The following TNRC6C variants were observed in gnomAD, a reference collection of about 807,000 sequenced individuals.
TNRC6C encodes the protein trinucleotide repeat containing adaptor 6C.
TNRC6C carries 20 observed loss-of-function variants against 153.7 expected under a neutral mutation model. That is an observed-to-expected ratio of 0.13 (90% confidence interval 0.09 to 0.19). TNRC6C has a LOEUF of 0.19. TNRC6C is among the 10% of genes least tolerant of loss of function. The probability of loss-of-function intolerance (pLI) is 1.00; values close to 1 mark genes in which losing one functional copy is unlikely to be tolerated. For missense variants in TNRC6C, 1,987 were observed against 2,172.0 expected, an observed-to-expected ratio of 0.91 and a Z score of 1.69; for synonymous variants, 811 against 841.4, an observed-to-expected ratio of 0.96 and a Z score of 0.63.
At chr17:78,097,161 C>T (rs749166424) in intron 16 of TNRC6C, among the ~76,000 whole-genome samples, 3 of 152,200 alleles carry the variant, frequency 2.0e-5, no homozygotes, top group African/African-American at 4.8e-5. Flanking sequence ...CTGCTGTGCA[C>T]TGTGATCATG....
chr17:78,074,069 C>T (rs1458135655), intron 7 of TNRC6C, among the ~76,000 whole-genome samples: 3 of 152,208 alleles, frequency 2.0e-5, no homozygotes, highest in Non-Finnish European at 4.4e-5. Context: ...CTCGTGCCTA[C>T]ATGAAGCTTA....
intron 2 of TNRC6C, among the ~76,000 whole-genome samples, chr17:78,041,469 T>G (rs1365380071): frequency 6.6e-6 from 1 of 152,230 alleles, no homozygotes; most frequent in Admixed American, 6.5e-5. Flanking sequence ...GGAAGCAATC[T>G]CATTTTACTG....
intron 8 of TNRC6C, 98 bp from the exon 11 acceptor site, chr17:78,077,087 T>G (rs2073098026): frequency 7.4e-7 from 1 of 1,348,590 alleles, no homozygotes; most frequent in South Asian, 1.5e-5. Context: ...TGTTAATTAT[T>G]TATCCATCCA....
At chr17:78,097,966 A>C in intron 16 of TNRC6C, 105 bp downstream of exon 19, 1 of 990,270 alleles carries the variant, frequency 1.0e-6, no homozygotes, top group Non-Finnish European at 1.5e-6. Flanking sequence ...TCACTCCCTG[A>C]GCTGGGAGGC....
At chr17:78,091,419 T>C in intron 13 of TNRC6C, 21 bp from the exon 16 acceptor site, 1 of 1,565,648 alleles carries the variant, frequency 6.4e-7, no homozygotes. Flanking sequence ...AGGCGAATCC[T>C]AACCGCATCT....
At chr17:78,057,002 C>T (rs889312618) in intron 3 of TNRC6C, among the ~76,000 whole-genome samples, 14 of 152,122 alleles carry the variant, frequency 9.2e-5, no homozygotes, top group African/African-American at 3.4e-4. Context: ...CTTTTGCAGC[C>T]TGTGCATGCG....
intron 1 of TNRC6C, among the ~76,000 whole-genome samples, chr17:77,995,983 G>A (rs1453658858): frequency 2.0e-5 from 3 of 152,130 alleles, no homozygotes; most frequent in Non-Finnish European, 4.4e-5. Context: ...TGAGGTGGGA[G>A]GGTTGCTTGA....
At chr17:78,105,860 T>C (rs1252270537) in exon 20 of TNRC6C, 1 of 152,218 alleles carries the variant, frequency 6.6e-6, no homozygotes, top group Admixed American at 6.5e-5. Flanking sequence ...AGAGAATTCC[T>C]AGGACAGGGC....
intron 14 of TNRC6C, 98 bp from the exon 17 acceptor site, chr17:78,092,835 C>A: frequency 9.9e-7 from 1 of 1,014,172 alleles, no homozygotes; most frequent in Non-Finnish European, 1.4e-6. Flanking sequence ...AGGCATTGGA[C>A]CTAGAACAGA....
chr17:77,973,498 G>A (rs1331065248), intron 1 of TNRC6C, among the ~76,000 whole-genome samples: 2 of 152,176 alleles, frequency 1.3e-5, no homozygotes, highest in East Asian at 3.8e-4. Context: ...TATGTAGTCA[G>A]GTAAGGGAAA....
chr17:78,079,501 C>G lies in TNRC6C; in HGVS notation c.3317C>G (p.Pro1106Arg). ...GTGCAGCCTCTTAACTCTTCCCAGC[C>G]CAGTCTCCGTGCTCAAGTGCCTCAG... The change falls in exon 10 of 20, where the codon CCC (proline) becomes CGC (arginine). Residue 1106 changes from proline (P) to arginine (R), a missense_variant. By Grantham distance (103) the Pro-to-Arg change is moderately radical (BLOSUM62 -2). Around this residue, in one of 4 missense-constraint regions of TNRC6C, gnomAD observed 765 missense variants for 908.6 expected, o/e 0.84. Transcript: ENST00000301624. This position sits in a 1 kb window ranked among gnomAD's most constrained non-coding sequence, Gnocchi z 4.3. 1 of 1,613,820 alleles carries G rather than the reference C, an allele frequency of 6.2e-7. No individual in the cohort carries two copies. The highest frequency in any genetic ancestry group is 8.5e-7 in the Non-Finnish European group (1 of 1,179,864).
At chr17:78,103,819 G>A (rs991226929) in intron 19 of TNRC6C, among the ~76,000 whole-genome samples, 3 of 152,160 alleles carry the variant, frequency 2.0e-5, no homozygotes, top group African/African-American at 7.2e-5. Flanking sequence ...TGTCTGTGCC[G>A]TAATCTCTCC....
upstream of TNRC6C, among the ~76,000 whole-genome samples, chr17:78,002,830 T>C (rs1374350101): frequency 6.6e-6 from 1 of 152,230 alleles, no homozygotes; most frequent in Non-Finnish European, 1.5e-5. Flanking sequence ...CTACAATAAA[T>C]AGCACATGTT....
At chr17:78,096,411 C>A (rs2073487236) in intron 16 of TNRC6C, among the ~76,000 whole-genome samples, 1 of 152,132 alleles carries the variant, frequency 6.6e-6, no homozygotes, top group Admixed American at 6.5e-5. Context: ...TCCCTGAACC[C>A]AAAATAAAAA....
chr17:78,084,925 C>T (rs2073253181), intron 11 of TNRC6C, among the ~76,000 whole-genome samples: 2 of 152,278 alleles, frequency 1.3e-5, no homozygotes, highest in South Asian at 4.1e-4. Context: ...AGCCACTGCG[C>T]CTGGCCAGAG....
chr17:78,002,274 A>G (rs1283305151), upstream of TNRC6C, among the ~76,000 whole-genome samples: 5 of 152,158 alleles, frequency 3.3e-5, no homozygotes, highest in Non-Finnish European at 7.4e-5. Flanking sequence ...AATTGGTACC[A>G]GAAATGCCCT....
At position 78,101,654 on chromosome 17, in the gene TNRC6C, A is replaced by C. The variant is rs538102427; in HGVS notation, c.4502-820A>C. ...ATTTATTAACAGCAAGTCAGTCATT[A>C]GCATTGTTTCCGTAGATACTAGATT... On this transcript the variant is annotated intron_variant, in intron 17 of 19. Coordinates refer to ENST00000301624, the Ensembl canonical transcript of TNRC6C. Among the ~76,000 whole-genome samples, 166 of 152,282 alleles carry C rather than the reference A, an allele frequency of 1.1e-3. 2 individuals are homozygous for C. The highest frequency in any genetic ancestry group is 3.9e-3 in the African/African-American group (163 of 41,548).
intron 1 of TNRC6C, among the ~76,000 whole-genome samples, chr17:77,969,007 C>G (rs1409117351): frequency 2.0e-5 from 3 of 152,112 alleles, no homozygotes; most frequent in Admixed American, 2.0e-4. Context: ...AGCCTGTTAG[C>G]GTTGAGATAC....
chr17:78,078,772 C>T (rs1450674446), intron 9 of TNRC6C, among the ~76,000 whole-genome samples: 1 of 151,940 alleles, frequency 6.6e-6, no homozygotes, highest in Non-Finnish European at 1.5e-5. Flanking sequence ...TGAGACCAGC[C>T]AGGACAACAT....
Sources: gnomAD v4.1 joint callset for allele counts (sites outside exome capture counted in the v4.1 genomes callset) on GRCh38, gnomAD v4.1.1 for gene constraint, gnomAD v4.1.1 regional missense constraint, Gnocchi (gnomAD v3.1) non-coding constraint, MANE v1.5 for transcripts, NCBI Gene and HGNC (gene_info 2026-07-23, HGNC 2026-07-21) for gene names.